The following BIRC6 variants were observed in gnomAD, a reference collection of about 807,000 sequenced individuals.
BIRC6 encodes dual E2 ubiquitin-conjugating enzyme/E3 ubiquitin-protein ligase BIRC6.
BIRC6 carries 98 observed loss-of-function variants against 503.3 expected under a neutral mutation model. The observed-to-expected ratio is 0.19, with a 90% confidence interval of 0.17 to 0.23. The LOEUF is 0.23. Among genes scored for constraint, BIRC6 ranks in the 10% least tolerant of loss-of-function variants. The probability of loss-of-function intolerance (pLI) is 1.00; values close to 1 mark genes in which losing one functional copy is unlikely to be tolerated. For synonymous variants in BIRC6, 2,240 were observed against 2,078.7 expected (o/e 1.08, Z -2.11); for missense variants, 5,360 against 5,806.0 (o/e 0.92, Z 2.50).
At chr2:32,409,515 T>C (rs2041622554) in intron 9 of BIRC6, among the ~76,000 whole-genome samples, 1 of 152,148 alleles carries the variant, frequency 6.6e-6, no homozygotes, top group African/African-American at 2.4e-5. Context: ...CATTTGTTTT[T>C]TAGTTGGAGG....
rs10177302 is a variant in BIRC6, at chr2:32,453,194, T to C, written c.4619-614T>C. On this transcript the variant is annotated intron_variant, in intron 22 of 73. Transcript: ENST00000421745. ...CTTCTTGCTGTGGTTTTATTGGTCATATAGTTGTGGCTACATGGTTTTTTC... is the reference window on the plus strand; with the variant it reads ...CTTCTTGCTGTGGTTTTATTGGTCACATAGTTGTGGCTACATGGTTTTTTC... Among the ~76,000 whole-genome samples the C allele has an allele frequency of 9.0e-3, 1,366 of 152,334 alleles. 18 individuals carry two copies. Among genetic ancestry groups the C allele is most frequent in the African/African-American group, 0.031 (1,297 of 41,590 alleles).
chr2:32,435,785 T>G (rs895828646), intron 14 of BIRC6, among the ~76,000 whole-genome samples, 200 bp downstream of exon 14: 3 of 152,276 alleles, frequency 2.0e-5, no homozygotes. Context: ...TAATGCATTC[T>G]TGGTTTTTAA....
chr2:32,486,041 A>C (rs2050951846), intron 40 of BIRC6, among the ~76,000 whole-genome samples: 1 of 152,228 alleles, frequency 6.6e-6, no homozygotes. Flanking sequence ...AAGGTTAATA[A>C]AATTCCTACA....
At chr2:32,547,086 C>T in intron 63 of BIRC6, among the ~76,000 whole-genome samples, 1 of 152,108 alleles carries the variant, frequency 6.6e-6, no homozygotes, top group East Asian at 1.9e-4. Flanking sequence ...GATACAATTC[C>T]AGATTCATTT....
rs533869844 is a variant in BIRC6, at chr2:32,469,090, T to C, written c.6128-305T>C. Among the ~76,000 whole-genome samples the C allele has an allele frequency of 7.9e-5, 12 of 152,350 alleles. No individual in the cohort carries two copies. In the South Asian group the frequency reaches 1.9e-3, roughly 24 times the overall value. On this transcript the variant is annotated intron_variant, in intron 29 of 73. Transcript: ENST00000421745. Reference sequence around the variant, plus strand: ...CTTTTCATAAATTGCTAACCTAATATAGAGCTATCATTTTCTAGCCAGGAG... The same window carrying C: ...CTTTTCATAAATTGCTAACCTAATACAGAGCTATCATTTTCTAGCCAGGAG...
Position 32,546,032 on chromosome 2 carries a change from C to T in BIRC6, c.12810+172C>T, listed in dbSNP as rs72855996. ...ATTAATTGTTTTCTCTATTAGTCTT[C>T]TTCAGTAAACCAAAAAGAAACCTAT... On this transcript the variant is annotated intron_variant, in intron 63 of 73. Transcript: ENST00000421745. Among the ~76,000 whole-genome samples, 197 of 152,178 alleles carry T rather than the reference C, an allele frequency of 1.3e-3. 1 individual carries two copies. The highest frequency in any genetic ancestry group is 4.1e-3 in the African/African-American group (170 of 41,538).
rs1246846147 is a variant in BIRC6 at position 32,434,165 on chromosome 2, T to C, written c.3409+361T>C. The stretch of plus-strand genomic sequence containing the variant: ...TGGAAGTTACTTTTAAGGTTATTAG[T>C]GAAGCCAGCCTTTCATGTAATGCTA... On this transcript the variant is annotated intron_variant, in intron 13 of 73. Coordinates refer to ENST00000421745, the MANE Select transcript of BIRC6 (RefSeq NM_016252.4). 2.6e-5 allele frequency among the ~76,000 whole-genome samples: 4 copies of C among 152,324 alleles called. No homozygotes were observed. In the East Asian group the frequency reaches 7.7e-4, roughly 29 times the overall value.
chr2:32,369,726 C>T (rs550056561), intron 1 of BIRC6, among the ~76,000 whole-genome samples: 22 of 151,312 alleles, frequency 1.5e-4, no homozygotes, highest in East Asian at 1.2e-3. Context: ...TCTCGCCCGG[C>T]GCCATTGATT....
chr2:32,482,697 C>A, intron 39 of BIRC6, 115 bp downstream of exon 39: 1 of 1,090,530 alleles, frequency 9.2e-7, no homozygotes, highest in Non-Finnish European at 1.3e-6. Context: ...GGTTTAGTAT[C>A]ACAGCTGTGC....
At chr2:32,607,181 T>G (rs940513490) in intron 71 of BIRC6, among the ~76,000 whole-genome samples, 1 of 86,012 alleles carries the variant, frequency 1.2e-5, no homozygotes, top group East Asian at 2.3e-4. Context: ...TCATATCTAT[T>G]ATTATTATTA....
chr2:32,538,428 A>G (rs562284093), intron 61 of BIRC6, among the ~76,000 whole-genome samples: 40 of 152,314 alleles, frequency 2.6e-4, no homozygotes, highest in Admixed American at 9.8e-4. Context: ...TGGAATTCCA[A>G]ATGGCCCATA....
chr2:32,404,512 C>G (rs1021501575), intron 8 of BIRC6, among the ~76,000 whole-genome samples: 1 of 151,944 alleles, frequency 6.6e-6, no homozygotes, highest in Non-Finnish European at 1.5e-5. Flanking sequence ...ACGGGTTTCA[C>G]CATGTTGGCC....
intron 22 of BIRC6, 101 bp from the exon 23 acceptor site, chr2:32,453,707 A>G (rs964937679): frequency 3.6e-6 from 4 of 1,120,374 alleles, no homozygotes; most frequent in African/African-American, 3.1e-5. Flanking sequence ...GTGTATTTAT[A>G]TGTTCTAATT....
chr2:32,555,467 C>G (rs192381886), intron 65 of BIRC6, among the ~76,000 whole-genome samples: 1 of 151,592 alleles, frequency 6.6e-6, no homozygotes, highest in Non-Finnish European at 1.5e-5. Flanking sequence ...GGTGAAACCC[C>G]GTCTCTACTA....
At chr2:32,516,096 A>G (rs1179904274) in intron 55 of BIRC6, among the ~76,000 whole-genome samples, 2 of 152,238 alleles carry the variant, frequency 1.3e-5, no homozygotes, top group Non-Finnish European at 2.9e-5. Flanking sequence ...ATCACTGAGT[A>G]CTGTATGTGC....
At chr2:32,514,770 C>CT (rs2054838767) in intron 54 of BIRC6, among the ~76,000 whole-genome samples, 1 of 152,062 alleles carries the variant, frequency 6.6e-6, no homozygotes, top group African/African-American at 2.4e-5. Context: ...ATTGACAAGT[C>CT]TAACTCAACT....
Position 32,362,694 on chromosome 2 carries a change from C to T in BIRC6, c.325+5208C>T, listed in dbSNP as rs1361929646. Among the ~76,000 whole-genome samples the T allele has an allele frequency of 3.3e-5, 5 of 152,046 alleles. No homozygotes were observed. In the East Asian group the frequency reaches 9.6e-4, roughly 29 times the overall value. On this transcript the variant is annotated intron_variant, in intron 1 of 73. Coordinates refer to ENST00000421745, the MANE Select transcript of BIRC6 (RefSeq NM_016252.4). The stretch of plus-strand genomic sequence containing the variant: ...TCATATTACTAGATATGTCCTTCAC[C>T]CTAGCTATTGTTTGTTCATGAAATT...
At chr2:32,551,537 C>T (rs748328933) in intron 65 of BIRC6, among the ~76,000 whole-genome samples, 13 of 152,184 alleles carry the variant, frequency 8.5e-5, no homozygotes, top group Non-Finnish European at 1.6e-4. Context: ...CCACCTTGGC[C>T]TCCAAAAGTG....
intron 4 of BIRC6, among the ~76,000 whole-genome samples, chr2:32,390,832 C>A (rs1490432467): frequency 6.6e-6 from 1 of 152,102 alleles, no homozygotes. Context: ...TAATCACTTA[C>A]CCTCTTTTTG....
Sources: allele counts gnomAD v4.1 joint callset (sites outside exome capture counted in the v4.1 genomes callset), GRCh38; gene constraint gnomAD v4.1.1; transcripts MANE v1.5; gene names NCBI Gene and HGNC (gene_info 2026-07-23, HGNC 2026-07-21).